Variants in HCN2 observed in about 807,000 individuals in gnomAD.
The protein encoded by HCN2 is potassium/sodium hyperpolarization-activated cyclic nucleotide-gated channel 2.
A neutral mutation model predicts 52.3 loss-of-function variants in HCN2; 20 were observed. That is an observed-to-expected ratio of 0.38 (90% CI 0.27 to 0.56). HCN2 has a LOEUF of 0.56. HCN2 is among the 20% of genes least tolerant of loss of function. The pLI is 0.71. For missense variants in HCN2, 981 were observed against 1,207.7 expected (o/e 0.81, Z 2.78); for synonymous variants, 694 against 537.0 (o/e 1.29, Z -4.04).
chr19:595,157 G>A (rs779683200), intron 1 of HCN2, among the ~76,000 whole-genome samples: 4 of 152,022 alleles, frequency 2.6e-5, no homozygotes, highest in South Asian at 2.1e-4. Flanking sequence ...AGCTATGATC[G>A]TGCCACTGCA....
chr19:610,150 TG>T, intron 4 of HCN2, 108 bp from the exon 5 acceptor site: 4 of 1,312,758 alleles, frequency 3.0e-6, no homozygotes, highest in Non-Finnish European at 4.3e-6. Flanking sequence ...CGCTGCAGGC[TG>T]GGGGCGGTGT....
At chr19:604,645 C>A (rs1426081393) in intron 2 of HCN2, among the ~76,000 whole-genome samples, 2 of 20,252 alleles carry the variant, frequency 9.9e-5, no homozygotes, top group Non-Finnish European at 8.8e-5. Flanking sequence ...GCAGCAAGGG[C>A]GGGACTATGA....
chr19:610,799 C>T (rs991844467), intron 5 of HCN2, among the ~76,000 whole-genome samples: 2 of 152,164 alleles, frequency 1.3e-5, no homozygotes, highest in Non-Finnish European at 2.9e-5. Flanking sequence ...GGGCAAGTTT[C>T]CCAGGGTTGC....
rs1160983147 is a variant in HCN2 at position 616,354 on chromosome 19, C to T, written c.2550C>T (p.Pro850=). The part of the protein sequence containing the change: ...PASSSTPRLG[P]TPAARAAAPS... ...GCAGCTCCACACCGCGCTTGGGGCC[C>T]ACGCCCGCTGCCCGGGCCGCCGCGC... The change falls in exon 8 of 8, where the codon CCC becomes CCT. Residue 850 remains proline, a synonymous_variant. Coordinates refer to ENST00000251287, the MANE Select transcript of HCN2 (RefSeq NM_001194.4). The T allele has an allele frequency of 1.6e-6, 2 of 1,214,878 alleles. No individual in the cohort carries two copies. The highest frequency in any genetic ancestry group is 3.3e-4 in the Middle Eastern group (1 of 2,996). The allele number at this position is 1,214,878 out of a possible 1,614,324, so 75.3% of individuals were successfully genotyped here.
chr19:592,106 C>T lies in HCN2; in HGVS notation c.632+1529C>T, dbSNP rs117367944. Among the ~76,000 whole-genome samples the T allele has an allele frequency of 0.078, 11,952 of 152,258 alleles. 675 individuals carry two copies. Among genetic ancestry groups the T allele is most frequent in the Admixed American group, 0.15 (2,231 of 15,302 alleles). On this transcript the variant is annotated intron_variant, in intron 1 of 7. Transcript: ENST00000251287. The surrounding 1 kb of genome is among the most constrained non-coding windows in gnomAD (Gnocchi z 4.8). Reference sequence around the variant, plus strand: ...TGGCCTGCGAAATGTGGACAGTGAGCGGGAAGGACTGGACTTCCAGGGCTG... The same window carrying T: ...TGGCCTGCGAAATGTGGACAGTGAGTGGGAAGGACTGGACTTCCAGGGCTG...
At chr19:613,136 G>A (rs1190748794) in intron 5 of HCN2, 112 bp from the exon 6 acceptor site, 18 of 1,386,116 alleles carry the variant, frequency 1.3e-5, no homozygotes, top group Admixed American at 4.5e-5. Context: ...GGCTGAGCCC[G>A]TCTCTCAGAC....
chr19:616,717 C>T lies in HCN2; in HGVS notation c.*243C>T, dbSNP rs967480546. 3.0e-5 allele frequency: 6 copies of T among 202,274 alleles called. No individual in the cohort carries two copies. The highest frequency in any genetic ancestry group is 4.9e-5 in the Non-Finnish European group (5 of 101,686). 12.5% of individuals were successfully genotyped at this position (202,274 alleles called of 1,614,324 possible). The stretch of plus-strand genomic sequence containing the variant: ...CTGCCCCCGGCGGCGGCCTCGCGTG[C>T]GAGGGGGCTCCCTTCACCTCGGTGC... On this transcript the variant is annotated 3_prime_UTR_variant, in exon 8 of 8. Transcript: ENST00000251287.
rs776987187 is a variant in HCN2 at position 590,408 on chromosome 19, C to A, written c.463C>A (p.Pro155Thr). 3 of 1,354,662 alleles carry A rather than the reference C, an allele frequency of 2.2e-6. No individual in the cohort carries two copies. The highest frequency in any genetic ancestry group is 2.5e-5 in the Admixed American group (1 of 40,236). 83.9% of individuals were successfully genotyped at this position (1,354,662 alleles called of 1,614,324 possible). A position where few individuals can be genotyped will look rare whatever the true frequency, so the allele number is the denominator to read the frequency against. ...CGAGGAGGCGGGCCCGGCGGGGGAG[C>A]CGCGCGGCAGCCAGGCCAGCTTCAT... ...GSEEAGPAGE[P>T]RGSQASFMQR... Residue 155 changes from proline to threonine, a missense_variant, in exon 1 of 8, where the codon CCG (proline) becomes ACG (threonine). Physicochemically the swap from Pro to Thr is conservative, Grantham distance 38. Coordinates refer to ENST00000251287, the MANE Select transcript of HCN2 (RefSeq NM_001194.4). The surrounding 1 kb of genome is among the most constrained non-coding windows in gnomAD (Gnocchi z 7.2).
At chr19:601,993 T>C (rs534110140) in intron 1 of HCN2, among the ~76,000 whole-genome samples, 1 of 151,902 alleles carries the variant, frequency 6.6e-6, no homozygotes, top group Admixed American at 6.6e-5. Context: ...GTCCGAATGG[T>C]GCCAAGTCCG....
Position 616,188 on chromosome 19 carries a change from A to T in HCN2, c.2384A>T (p.Tyr795Phe), listed in dbSNP as rs1449219480. 15 of 963,778 alleles carry T rather than the reference A, an allele frequency of 1.6e-5. No individual in the cohort carries two copies. Among genetic ancestry groups the T allele is most frequent in the Non-Finnish European group, 1.8e-5 (15 of 822,936 alleles). 59.7% of individuals were successfully genotyped at this position (963,778 alleles called of 1,614,324 possible). ...ASPRAPRTSP[Y>F]GGLPAAPLAG... ...CCCCGGGCACCGCGGACCTCGCCCTACGGCGGCCTGCCCGCCGCCCCCCTT... is the reference window on the plus strand; with the variant it reads ...CCCCGGGCACCGCGGACCTCGCCCTTCGGCGGCCTGCCCGCCGCCCCCCTT... Residue 795 changes from tyrosine to phenylalanine, a missense_variant, in exon 8 of 8, where the codon TAC becomes TTC. Tyr to Phe is a conservative substitution (Grantham distance 22, BLOSUM62 3). Transcript: ENST00000251287.
chr19:606,628 G>A (rs1012767166), intron 3 of HCN2, among the ~76,000 whole-genome samples: 6 of 149,282 alleles, frequency 4.0e-5, no homozygotes, highest in African/African-American at 9.9e-5. Context: ...TGAGGCAGGC[G>A]GATCACCTGA....
intron 6 of HCN2, 132 bp from the exon 7 acceptor site, chr19:613,720 G>GCCGGCACCGGCC: frequency 6.5e-6 from 3 of 458,628 alleles, no homozygotes; most frequent in East Asian, 4.6e-5. Flanking sequence ...TGGGGCCGGG[G>GCCGGCACCGGCC]CCGGCACCAG....
At chr19:614,167 C>A in intron 7 of HCN2, 151 bp downstream of exon 7, 1 of 573,770 alleles carries the variant, frequency 1.7e-6, no homozygotes, top group Non-Finnish European at 2.8e-6. Flanking sequence ...GCCAAGGCAT[C>A]AGGAGTGTGG....
At chr19:610,916 C>A (rs541668297) in intron 5 of HCN2, among the ~76,000 whole-genome samples, 2 of 152,164 alleles carry the variant, frequency 1.3e-5, no homozygotes, top group Non-Finnish European at 2.9e-5. Context: ...GCCGTGCTAC[C>A]CCCCCGGAGC....
rs746499730 is a variant in HCN2, at chr19:615,902, G to A, written c.2098G>A (p.Glu700Lys). The A allele has an allele frequency of 6.8e-6, 11 of 1,612,668 alleles. No individual in the cohort carries two copies. The highest frequency in any genetic ancestry group is 5.1e-6 in the Non-Finnish European group (6 of 1,179,846). ...IIQEIVKYDREMVQQAELGQR... is the reference protein window; with the variant it reads ...IIQEIVKYDRKMVQQAELGQR... ...CCAGGAGATCGTCAAGTACGACCGC[G>A]AGATGGTGCAGCAGGCCGAGCTGGG... The change falls in exon 8 of 8, where the codon GAG becomes AAG. Residue 700 changes from glutamate (E) to lysine (K), a missense_variant. Glu to Lys is a moderately conservative substitution (Grantham distance 56). Around this residue, in one of 6 missense-constraint regions of HCN2, gnomAD observed 368 missense variants for 314.8 expected, o/e 1.17. Transcript: ENST00000251287.
Position 590,047 on chromosome 19 carries a change from G to A in HCN2, c.102G>A (p.Gln34=), listed in dbSNP as rs1352595038. ...PPPPPAPPQQ[Q]PPPPPPPAPP... ...CGCCGCCCGCGCCCCCCCAACAGCA[G>A]CCGCCGCCGCCGCCGCCGCCCGCGC... The change falls in exon 1 of 8, where the codon CAG becomes CAA. Residue 34 remains glutamine (Q), a synonymous_variant. Coordinates refer to ENST00000251287, the MANE Select transcript of HCN2 (RefSeq NM_001194.4). This position sits in a 1 kb window ranked among gnomAD's most constrained non-coding sequence, Gnocchi z 7.2. The A allele has an allele frequency of 5.4e-6, 3 of 558,536 alleles. No individual in the cohort carries two copies. The highest frequency in any genetic ancestry group is 2.2e-6 in the Non-Finnish European group (1 of 453,050). 34.6% of individuals were successfully genotyped at this position (558,536 alleles called of 1,614,324 possible).
chr19:610,168 C>T, intron 4 of HCN2, 91 bp from the exon 5 acceptor site: 2 of 1,471,878 alleles, frequency 1.4e-6, no homozygotes, highest in Non-Finnish European at 1.9e-6. Flanking sequence ...GTGTCTGACC[C>T]AGCCTCGCCT....
intron 7 of HCN2, 61 bp downstream of exon 7, chr19:614,077 G>GCGGGTGCC: frequency 7.8e-7 from 1 of 1,280,914 alleles, no homozygotes; most frequent in Non-Finnish European, 1.0e-6. Flanking sequence ...CGTGGCCAAG[G>GCGGGTGCC]CATCAGGAGA....
intron 1 of HCN2, among the ~76,000 whole-genome samples, chr19:594,558 C>G (rs1982966982): frequency 6.6e-6 from 1 of 152,182 alleles, no homozygotes; most frequent in African/African-American, 2.4e-5. Flanking sequence ...CAAGACCCCA[C>G]CAGGACAGGC....
Sources: gnomAD v4.1 joint callset for allele counts (sites outside exome capture counted in the v4.1 genomes callset) on GRCh38, gnomAD v4.1.1 for gene constraint, gnomAD v4.1.1 regional missense constraint, Gnocchi (gnomAD v3.1) non-coding constraint, MANE v1.5 for transcripts, NCBI Gene and HGNC (gene_info 2026-07-23, HGNC 2026-07-21) for gene names.